Variants in KIAA2013 observed in about 807,000 individuals in gnomAD.
The protein encoded by KIAA2013 is uncharacterized protein KIAA2013.
In KIAA2013, 20 loss-of-function variants were observed where a neutral mutation model predicts 39.9. That is an observed-to-expected ratio of 0.50 (90% CI 0.35 to 0.73). The LOEUF (loss-of-function observed/expected upper bound fraction) is 0.73. KIAA2013 is among the 30% of genes least tolerant of loss of function. The probability of loss-of-function intolerance (pLI) is 0.01; values close to 1 mark genes in which losing one functional copy is unlikely to be tolerated. For synonymous variants in KIAA2013, 336 were observed against 416.6 expected (o/e 0.81, Z 2.35); for missense variants, 587 against 856.1 (o/e 0.69, Z 3.92).
chr1:11,920,443 C>A, intron 2 of KIAA2013, 111 bp from the exon 3 acceptor site: 1 of 1,126,338 alleles, frequency 8.9e-7, no homozygotes, highest in Non-Finnish European at 1.4e-6. Flanking sequence ...TGGCTCTGAC[C>A]CAGCCTTGCA....
Position 11,922,908 on chromosome 1 carries a change from T to C in KIAA2013, c.1615A>G (p.Thr539Ala), listed in dbSNP as rs1645483095. The change falls in exon 2 of 3, where the codon ACG becomes GCG. Residue 539 changes from threonine to alanine, a missense_variant. Coordinates refer to ENST00000376572, the MANE Select transcript of KIAA2013 (RefSeq NM_138346.3). ...ACCATGACCGAGAAGGTGTGGCCCG[T>C]GGGCGCCGAGGTCAGCTCCACTGGC... ...DEPVELTSAP[T>A]GHTFSVMVTQ... 10 of 1,612,054 alleles carry C rather than the reference T, an allele frequency of 6.2e-6. No homozygotes were observed. The highest frequency in any genetic ancestry group is 8.5e-6 in the Non-Finnish European group (10 of 1,179,032).
At position 11,923,931 on chromosome 1, in the gene KIAA2013, G is replaced by A. The variant is rs1645490100; in HGVS notation, c.1034-442C>T. ...ACTGTGTTGCCCAGGCTTGAGTGCA[G>A]TGGAACGATCTCAGGTTACTACAGC... On this transcript the variant is annotated intron_variant, in intron 1 of 2. Transcript: ENST00000376572. This position sits in a 1 kb window ranked among gnomAD's most constrained non-coding sequence, Gnocchi z 4.6. Among the ~76,000 whole-genome samples, 1 of 152,166 alleles carries A rather than the reference G, an allele frequency of 6.6e-6. No homozygotes were observed. The highest frequency in any genetic ancestry group is 1.5e-5 in the Non-Finnish European group (1 of 68,028).
Position 11,926,003 on chromosome 1 carries a change from G to C in KIAA2013, c.235C>G (p.Arg79Gly), listed in dbSNP as rs1416593412. 1 of 1,509,118 alleles carries C rather than the reference G, an allele frequency of 6.6e-7. No individual in the cohort carries two copies. Among genetic ancestry groups the C allele is most frequent in the African/African-American group, 1.4e-5 (1 of 69,120 alleles). 93.5% of individuals were successfully genotyped at this position (1,509,118 alleles called of 1,614,324 possible). ...GGACCCAGCGGTACCACCTCACCGC[G>C]CTCCCGCAGGCCGCGCCAGGCGCGG... Reference protein sequence around the residue: ...ATRAWRGLRERGEVVPLGPGV... With the variant: ...ATRAWRGLREGGEVVPLGPGV... Residue 79 changes from arginine (R) to glycine (G), a missense_variant, in exon 1 of 3, where the codon CGC (arginine) becomes GGC (glycine). Transcript: ENST00000376572.
Position 11,923,279 on chromosome 1 carries a change from C to A in KIAA2013, c.1244G>T (p.Gly415Val). 1 of 1,613,390 alleles carries A rather than the reference C, an allele frequency of 6.2e-7. No homozygotes were observed. Among genetic ancestry groups the A allele is most frequent in the Non-Finnish European group, 8.5e-7 (1 of 1,179,602 alleles). Residue 415 changes from glycine to valine, a missense_variant, in exon 2 of 3, where the codon GGG becomes GTG. Coordinates refer to ENST00000376572, the MANE Select transcript of KIAA2013 (RefSeq NM_138346.3). This position sits in a 1 kb window ranked among gnomAD's most constrained non-coding sequence, Gnocchi z 4.6. ...GATCTGCTGGACGGAGGACAGCCGC[C>A]CCGGCCACAGGTTCTCGGCGTGCAT... ...ATMHAENLWPGRLSSVQQILQ... is the reference protein window; with the variant it reads ...ATMHAENLWPVRLSSVQQILQ...
In KIAA2013 at chr1:11,925,853, G is replaced by A. The variant is rs1645503884; in HGVS notation, c.385C>T (p.Arg129Cys). 6.5e-7 allele frequency: 1 copy of A among 1,531,102 alleles called. No individual in the cohort carries two copies. Among genetic ancestry groups the A allele is most frequent in the South Asian group, 1.2e-5 (1 of 83,912 alleles). 94.8% of individuals were successfully genotyped at this position (1,531,102 alleles called of 1,614,324 possible). A position where few individuals can be genotyped will look rare whatever the true frequency, so the allele number is the denominator to read the frequency against. ...APDFVPFVQL[R>C]PLSALAEAGE... ...GCTTCAGCCAGCGCGCTCAGCGGGC[G>A]CAGCTGCACGAAGGGCACAAAGTCC... is the stretch of plus-strand genomic sequence containing the variant. The change falls in exon 1 of 3, where the codon CGC becomes TGC. Residue 129 changes from arginine to cysteine, a missense_variant. By Grantham distance (180) the Arg-to-Cys change is radical (BLOSUM62 -3). Coordinates refer to ENST00000376572, the MANE Select transcript of KIAA2013 (RefSeq NM_138346.3). This position sits in a 1 kb window ranked among gnomAD's most constrained non-coding sequence, Gnocchi z 5.2.
In KIAA2013 at chr1:11,925,278, C is replaced by T; in HGVS notation, c.960G>A (p.Leu320=). Residue 320 remains leucine, a synonymous_variant, in exon 1 of 3, where the codon CTG becomes CTA. Coordinates refer to ENST00000376572, the MANE Select transcript of KIAA2013 (RefSeq NM_138346.3). The surrounding 1 kb of genome is among the most constrained non-coding windows in gnomAD (Gnocchi z 5.2). ...CCGCCGCTGGCATGTCCAAGAGCTC[C>T]AGCATTTCCTTCCGTGCCAAGTCCT... ...ALQDLARKEM[L]ELLDMPAAEL... The T allele has an allele frequency of 6.2e-7, 1 of 1,612,984 alleles. No homozygotes were observed.
At position 11,926,103 on chromosome 1, in the gene KIAA2013, G is replaced by A; in HGVS notation, c.135C>T (p.Gly45=). The A allele has an allele frequency of 1.4e-6, 2 of 1,407,228 alleles. No homozygotes were observed. The highest frequency in any genetic ancestry group is 2.7e-5 in the South Asian group (2 of 73,884). The allele number at this position is 1,407,228 out of a possible 1,614,324, so 87.2% of individuals were successfully genotyped here. The change falls in exon 1 of 3, where the codon GGC becomes GGT. Residue 45 remains glycine (G), a synonymous_variant. Coordinates refer to ENST00000376572, the MANE Select transcript of KIAA2013 (RefSeq NM_138346.3). ...GGGACCAGGGCAGCAGGTGCAGGCCGCCCGCCGCCCGCCGCGCGCCGGACC... is the reference window on the plus strand; with the variant it reads ...GGGACCAGGGCAGCAGGTGCAGGCCACCCGCCGCCCGCCGCGCGCCGGACC... ...FGGSGARRAA[G]GLHLLPWSRG...
rs1645484019 is a variant in KIAA2013 at position 11,923,001 on chromosome 1, G to A, written c.1522C>T (p.His508Tyr). The change falls in exon 2 of 3, where the codon CAC (histidine) becomes TAC (tyrosine). Residue 508 changes from histidine to tyrosine, a missense_variant. By Grantham distance (83) the His-to-Tyr change is moderately conservative. Transcript: ENST00000376572. The surrounding 1 kb of genome is among the most constrained non-coding windows in gnomAD (Gnocchi z 4.6). ...TGGCCACGGGACTCCACGGACACGTGTAGGTAGGGCTTGCCCTCGGCATCC... is the reference window on the plus strand; with the variant it reads ...TGGCCACGGGACTCCACGGACACGTATAGGTAGGGCTTGCCCTCGGCATCC... ...LADAEGKPYL[H>Y]VSVESRGQPV... 3 of 1,612,764 alleles carry A rather than the reference G, an allele frequency of 1.9e-6. No individual in the cohort carries two copies. The highest frequency in any genetic ancestry group is 2.5e-6 in the Non-Finnish European group (3 of 1,179,016).
rs1645463390 is a variant in KIAA2013 at position 11,919,608 on chromosome 1, T to C, written c.*707A>G. On this transcript the variant is annotated 3_prime_UTR_variant, in exon 3 of 3. Transcript: ENST00000376572. ...ACCGGTCGTGAAAGTTTGAAAGATA[T>C]TTATTTAAAAACAGAACAAAAAAGC... The C allele has an allele frequency of 6.6e-6, 1 of 152,252 alleles. No homozygotes were observed. Among genetic ancestry groups the C allele is most frequent in the Non-Finnish European group, 1.5e-5 (1 of 68,124 alleles). 9.4% of individuals were successfully genotyped at this position (152,252 alleles called of 1,614,324 possible).
chr1:11,924,833 G>A (rs1349047545), intron 1 of KIAA2013, among the ~76,000 whole-genome samples: 7 of 152,124 alleles, frequency 4.6e-5, no homozygotes, highest in African/African-American at 1.7e-4. Flanking sequence ...GGCCGACTGC[G>A]GTGCTGAGCA....
At position 11,919,878 on chromosome 1, in the gene KIAA2013, C is replaced by T. The variant is rs1645464960; in HGVS notation, c.*437G>A. 8.4e-6 allele frequency: 2 copies of T among 239,346 alleles called. No homozygotes were observed. The highest frequency in any genetic ancestry group is 2.3e-5 in the African/African-American group (1 of 42,650). The allele number at this position is 239,346 out of a possible 1,614,324, so 14.8% of individuals were successfully genotyped here. On this transcript the variant is annotated 3_prime_UTR_variant, in exon 3 of 3. Transcript: ENST00000376572. ...GGACATCACCGCCAACACTCACCAT[C>T]TACAGGGGATGCAAAAGCCATCTAG...
intron 2 of KIAA2013, among the ~76,000 whole-genome samples, chr1:11,921,102 GAGA>G (rs1450109832): frequency 6.6e-6 from 1 of 152,130 alleles, no homozygotes; most frequent in African/African-American, 2.4e-5. Context: ...GAGGAGAGAA[GAGA>G]AAGGGAAACA....
In KIAA2013 at chr1:11,920,170, T is replaced by C; in HGVS notation, c.*145A>G. 1 of 853,996 alleles carries C rather than the reference T, an allele frequency of 1.2e-6. No individual in the cohort carries two copies. Among genetic ancestry groups the C allele is most frequent in the Non-Finnish European group, 2.0e-6 (1 of 499,184 alleles). The allele number at this position is 853,996 out of a possible 1,614,324, so 52.9% of individuals were successfully genotyped here. On this transcript the variant is annotated 3_prime_UTR_variant, in exon 3 of 3. Coordinates refer to ENST00000376572, the MANE Select transcript of KIAA2013 (RefSeq NM_138346.3). The stretch of plus-strand genomic sequence containing the variant: ...TCCTTCCAATGCAAACTCTGGTGTA[T>C]CCACACTCACTTCTGCGTCACCGGT...
In KIAA2013 at chr1:11,922,922, A is replaced by G; in HGVS notation, c.1601T>C (p.Leu534Pro). The G allele has an allele frequency of 6.2e-7, 1 of 1,611,992 alleles. No individual in the cohort carries two copies. Among genetic ancestry groups the G allele is most frequent in the Non-Finnish European group, 8.5e-7 (1 of 1,178,950 alleles). The stretch of plus-strand genomic sequence containing the variant: ...GGTGTGGCCCGTGGGCGCCGAGGTC[A>G]GCTCCACTGGCTCGTCCAGGCAGCC... ...KAGCLDEPVE[L>P]TSAPTGHTFS... Residue 534 changes from leucine to proline, a missense_variant, in exon 2 of 3, where the codon CTG (leucine) becomes CCG (proline). Transcript: ENST00000376572.
In KIAA2013 at chr1:11,925,144, T is replaced by C. The variant is rs1645497907; in HGVS notation, c.1033+61A>G. On this transcript the variant is annotated intron_variant, in intron 1 of 2. Coordinates refer to ENST00000376572, the MANE Select transcript of KIAA2013 (RefSeq NM_138346.3). The surrounding 1 kb of genome is among the most constrained non-coding windows in gnomAD (Gnocchi z 5.2). ...AACCACCCCACCATCACCTTCAGTG[T>C]CACCTCTGCAGACTTGGGAGGGACA... 2 of 1,455,374 alleles carry C rather than the reference T, an allele frequency of 1.4e-6. No homozygotes were observed. Among genetic ancestry groups the C allele is most frequent in the African/African-American group, 2.8e-5 (2 of 70,488 alleles). 90.2% of individuals were successfully genotyped at this position (1,455,374 alleles called of 1,614,324 possible).
chr1:11,920,439 T>C (rs1391423520), intron 2 of KIAA2013, 107 bp from the exon 3 acceptor site: 8 of 1,153,908 alleles, frequency 6.9e-6, no homozygotes, highest in Admixed American at 3.4e-5. Context: ...ACCCTGGCTC[T>C]GACCCAGCCT....
Position 11,923,978 on chromosome 1 carries a change from G to C in KIAA2013, c.1034-489C>G, listed in dbSNP as rs1395417084. Among the ~76,000 whole-genome samples, 2 of 152,152 alleles carry C rather than the reference G, an allele frequency of 1.3e-5. No individual in the cohort carries two copies. The highest frequency in any genetic ancestry group is 4.8e-5 in the African/African-American group (2 of 41,432). The stretch of plus-strand genomic sequence containing the variant: ...CAGCCTCCGCCTCCCGGGTTCAAGT[G>C]ATTCTCCCGTCTCAGCCTTTGAGTA... On this transcript the variant is annotated intron_variant, in intron 1 of 2. Transcript: ENST00000376572. This position sits in a 1 kb window ranked among gnomAD's most constrained non-coding sequence, Gnocchi z 4.6.
chr1:11,920,406 G>T, intron 2 of KIAA2013, 74 bp from the exon 3 acceptor site: 1 of 1,497,392 alleles, frequency 6.7e-7, no homozygotes, highest in Non-Finnish European at 9.3e-7. Context: ...AATAGGCTAC[G>T]GAGACAACCC....
chr1:11,926,029 G>T lies in KIAA2013; in HGVS notation c.209C>A (p.Thr70Asn). The change falls in exon 1 of 3, where the codon ACC becomes AAC. Residue 70 changes from threonine to asparagine, a missense_variant. Physicochemically the swap from Thr to Asn is moderately conservative, Grantham distance 65. Transcript: ENST00000376572. Reference sequence around the variant, plus strand: ...CTCCCGCAGGCCGCGCCAGGCGCGGGTGGCCGCCTCCAGGCAGGCAGACGG... The same window carrying T: ...CTCCCGCAGGCCGCGCCAGGCGCGGTTGGCCGCCTCCAGGCAGGCAGACGG... ...AEPSACLEAA[T>N]RAWRGLRERG... The T allele has an allele frequency of 6.7e-7, 1 of 1,498,884 alleles. No individual in the cohort carries two copies. The highest frequency in any genetic ancestry group is 2.8e-5 in the East Asian group (1 of 35,988). 92.8% of individuals were successfully genotyped at this position (1,498,884 alleles called of 1,614,324 possible).
Sources: allele counts gnomAD v4.1 joint callset (sites outside exome capture counted in the v4.1 genomes callset), GRCh38; gene constraint gnomAD v4.1.1; non-coding constraint Gnocchi (gnomAD v3.1); transcripts MANE v1.5; gene names NCBI Gene and HGNC (gene_info 2026-07-23, HGNC 2026-07-21).